The following RTN1 variants were observed in gnomAD, a reference collection of about 807,000 sequenced individuals.
RTN1 encodes reticulon-1.
A neutral mutation model predicts 65.5 loss-of-function variants in RTN1; 25 were observed. The ratio of observed to expected loss-of-function variants is 0.38; its 90% CI spans 0.28 to 0.53. The LOEUF is 0.53. Among genes scored for constraint, RTN1 ranks in the 20% least tolerant of loss-of-function variants. The pLI, the probability that RTN1 is intolerant of heterozygous loss-of-function variation, is 0.79. For missense variants in RTN1, 983 were observed against 1,025.4 expected, an observed-to-expected ratio of 0.96 and a Z score of 0.57; for synonymous variants, 471 against 447.6, an observed-to-expected ratio of 1.05 and a Z score of -0.66.
At chr14:59,699,702 A>G (rs896072039) in intron 3 of RTN1, among the ~76,000 whole-genome samples, 20 of 152,198 alleles carry the variant, frequency 1.3e-4, no homozygotes, top group African/African-American at 4.6e-4. Flanking sequence ...CCCTCATAAG[A>G]AAAGGAAACT....
chr14:59,734,418 T>C (rs377441176), intron 2 of RTN1, among the ~76,000 whole-genome samples: 23 of 152,180 alleles, frequency 1.5e-4, no homozygotes, highest in East Asian at 1.2e-3. Flanking sequence ...CTTCAGAAGG[T>C]GGGTAATAAA....
chr14:59,596,661 A>C lies in RTN1; in HGVS notation c.*84T>G. 5.7e-6 allele frequency: 6 copies of C among 1,050,994 alleles called. No homozygotes were observed. The highest frequency in any genetic ancestry group is 1.7e-5 in the Admixed American group (1 of 58,818). The allele number at this position is 1,050,994 out of a possible 1,614,324, so 65.1% of individuals were successfully genotyped here. A position where few individuals can be genotyped will look rare whatever the true frequency, so the allele number is the denominator to read the frequency against. The stretch of plus-strand genomic sequence containing the variant: ...GTACTGGAGGGAGGGGGGAAAGACA[A>C]TCAATTTGCAGTAATGAGTAAGAAG... On this transcript the variant is annotated 3_prime_UTR_variant, in exon 9 of 9. Transcript: ENST00000267484.
At chr14:59,814,957 T>C (rs1185303446) in intron 1 of RTN1, among the ~76,000 whole-genome samples, 2 of 152,210 alleles carry the variant, frequency 1.3e-5, no homozygotes, top group Non-Finnish European at 1.5e-5. Flanking sequence ...ACAGCAGAAA[T>C]AGTAGTAAAA....
At chr14:59,677,906 G>A (rs1348797394) in intron 3 of RTN1, among the ~76,000 whole-genome samples, 1 of 152,156 alleles carries the variant, frequency 6.6e-6, no homozygotes, top group Non-Finnish European at 1.5e-5. Flanking sequence ...AAACCACATG[G>A]CCCATTTCTG....
rs1468482264 is a variant in RTN1 at position 59,750,818 on chromosome 14, A to T, written c.242-4337T>A. On this transcript the variant is annotated intron_variant, in intron 1 of 8. Transcript: ENST00000267484. ...CAGCCTCAACCTATAGGCTCAAAAC[A>T]TCCATCTAGTTCACCCTCCCAAGTA... Among the ~76,000 whole-genome samples, 17 of 139,950 alleles carry T rather than the reference A, an allele frequency of 1.2e-4. No individual in the cohort carries two copies. The Admixed American group carries it at 1.3e-3, about 11-fold the overall frequency. The allele number at this position is 139,950 out of a possible 152,430, so 91.8% of individuals were successfully genotyped here. A position where few individuals can be genotyped will look rare whatever the true frequency, so the allele number is the denominator to read the frequency against.
intron 3 of RTN1, among the ~76,000 whole-genome samples, chr14:59,680,676 G>C (rs768896982): frequency 6.6e-6 from 1 of 152,092 alleles, no homozygotes; most frequent in Non-Finnish European, 1.5e-5. Context: ...TTTTAGTATG[G>C]TAATTCTATT....
rs186613979 is a variant in RTN1 at position 59,725,640 on chromosome 14, G to A, written c.1765+1279C>T. Among the ~76,000 whole-genome samples, 145 of 152,320 alleles carry A rather than the reference G, an allele frequency of 9.5e-4. 1 individual carries two copies. Among genetic ancestry groups the A allele is most frequent in the South Asian group, 5.4e-3 (26 of 4,826 alleles). ...CTCTTTAAGAAGAGCTATTTGGGAA[G>A]TCAAGAGTCAATTATATCAGCCCCC... On this transcript the variant is annotated intron_variant, in intron 3 of 8. Transcript: ENST00000267484.
chr14:59,680,438 T>C (rs1297025266), intron 3 of RTN1, among the ~76,000 whole-genome samples: 1 of 152,208 alleles, frequency 6.6e-6, no homozygotes, highest in Non-Finnish European at 1.5e-5. Flanking sequence ...TTGTCATTGT[T>C]TACAATAAGT....
chr14:59,744,147 C>A (rs1038433734), intron 2 of RTN1, among the ~76,000 whole-genome samples: 3 of 152,088 alleles, frequency 2.0e-5, no homozygotes, highest in Admixed American at 6.5e-5. Context: ...CTGTTCTATT[C>A]CAACACTTGG....
intron 3 of RTN1, among the ~76,000 whole-genome samples, chr14:59,627,348 G>A (rs185423752): frequency 3.3e-4 from 50 of 152,326 alleles, no homozygotes; most frequent in Admixed American, 1.0e-3. Flanking sequence ...GCCAGCCTCT[G>A]GCATTACTAT....
rs1173816973 is a variant in RTN1, at chr14:59,803,925, A to G, written c.242-57444T>C. On this transcript the variant is annotated intron_variant, in intron 1 of 8. Coordinates refer to ENST00000267484, the MANE Select transcript of RTN1 (RefSeq NM_021136.3). This position sits in a 1 kb window ranked among gnomAD's most constrained non-coding sequence, Gnocchi z 5.6. ...TTTTAGAACAGGTTTGGTTTACATA[A>G]AAGTTGTGGAAATTGTACAAAGCAT... is the stretch of plus-strand genomic sequence containing the variant. Among the ~76,000 whole-genome samples, 6 of 152,208 alleles carry G rather than the reference A, an allele frequency of 3.9e-5. No individual in the cohort carries two copies. Among genetic ancestry groups the G allele is most frequent in the African/African-American group, 1.2e-4 (5 of 41,436 alleles).
chr14:59,766,898 T>G lies in RTN1; in HGVS notation c.242-20417A>C, dbSNP rs7144203. Among the ~76,000 whole-genome samples the G allele has an allele frequency of 0.074, 11,309 of 152,220 alleles. 1,262 individuals are homozygous for G. The highest frequency in any genetic ancestry group is 0.25 in the African/African-American group (10,232 of 41,478). On this transcript the variant is annotated intron_variant, in intron 1 of 8. Transcript: ENST00000267484. This position sits in a 1 kb window ranked among gnomAD's most constrained non-coding sequence, Gnocchi z 4.4. ...CTTGATAGTTTCAGTGTTTAGTTATTTAACTCCACCCATCCCAGTATATCG... is the reference window on the plus strand; with the variant it reads ...CTTGATAGTTTCAGTGTTTAGTTATGTAACTCCACCCATCCCAGTATATCG...
At chr14:59,764,031 T>C (rs1039003144) in intron 1 of RTN1, among the ~76,000 whole-genome samples, 3 of 151,876 alleles carry the variant, frequency 2.0e-5, no homozygotes, top group African/African-American at 7.3e-5. Context: ...CAGAGGGAAA[T>C]AGTAGGAAGC....
intron 1 of RTN1, among the ~76,000 whole-genome samples, chr14:59,821,827 A>G (rs1197147696): frequency 1.3e-5 from 2 of 152,192 alleles, no homozygotes; most frequent in Non-Finnish European, 2.9e-5. Flanking sequence ...ATTGATTTGC[A>G]TATGTTGAAC....
In RTN1 at chr14:59,607,440, C is replaced by T. The variant is rs758189644; in HGVS notation, c.1818G>A (p.Gly606=). 4 of 1,612,256 alleles carry T rather than the reference C, an allele frequency of 2.5e-6. No individual in the cohort carries two copies. The highest frequency in any genetic ancestry group is 3.3e-4 in the Middle Eastern group (2 of 6,022). ...RDIKQTGIVF[G]SFLLLLFSLT... is the part of the protein sequence containing the mutation. ...GGGAGAAGAGCAGCAGCAGGAAACT[C>T]CCAAACACGATGCCCGTCTGCTTGA... Residue 606 remains glycine, a synonymous_variant, in exon 4 of 9, where the codon GGG becomes GGA. Transcript: ENST00000267484.
chr14:59,805,108 T>C (rs1206782556), intron 1 of RTN1, among the ~76,000 whole-genome samples: 2 of 152,214 alleles, frequency 1.3e-5, no homozygotes, highest in Non-Finnish European at 2.9e-5. Context: ...CACCAAAGTA[T>C]TGGTGTGGCT....
intron 3 of RTN1, among the ~76,000 whole-genome samples, chr14:59,655,101 C>T (rs1883096267): frequency 6.6e-6 from 1 of 152,110 alleles, no homozygotes; most frequent in Non-Finnish European, 1.5e-5. Flanking sequence ...GGTAATACAT[C>T]CAGCAGTTTA....
At chr14:59,792,727 C>G (rs1886371239) in intron 1 of RTN1, among the ~76,000 whole-genome samples, 1 of 152,120 alleles carries the variant, frequency 6.6e-6, no homozygotes, top group Non-Finnish European at 1.5e-5. Context: ...ATCACCTCAA[C>G]AACCTCAAAA....
intron 2 of RTN1, among the ~76,000 whole-genome samples, chr14:59,743,393 G>C (rs1024349484): frequency 6.6e-6 from 1 of 152,170 alleles, no homozygotes; most frequent in Non-Finnish European, 1.5e-5. Context: ...CTTGTGGACT[G>C]ACTACTGGAC....
Sources: allele counts gnomAD v4.1 joint callset (sites outside exome capture counted in the v4.1 genomes callset), GRCh38; gene constraint gnomAD v4.1.1; non-coding constraint Gnocchi (gnomAD v3.1); transcripts MANE v1.5; gene names NCBI Gene and HGNC (gene_info 2026-07-23, HGNC 2026-07-21).